SHANK2: variants seen among roughly 807,000 people sequenced by gnomAD.
SHANK2 encodes SH3 and multiple ankyrin repeat domains 2.
A neutral mutation model predicts 133.7 loss-of-function variants in SHANK2; 43 were observed. That is an observed-to-expected ratio of 0.32 (90% CI 0.25 to 0.41). The LOEUF is 0.41. Ranked by LOEUF, SHANK2 falls within the 10% of genes least tolerant of loss-of-function variation. The pLI is 1.00. For missense variants in SHANK2, 1,994 were observed against 2,235.8 expected (o/e 0.89, Z 2.18); for synonymous variants, 1,017 against 952.8 (o/e 1.07, Z -1.24).
intron 14 of SHANK2, among the ~76,000 whole-genome samples, chr11:70,734,171 C>T (rs1449136010): frequency 5.3e-5 from 8 of 152,070 alleles, no homozygotes; most frequent in South Asian, 4.1e-4. Context: ...GAGGGAGTGC[C>T]GGGCAGCAGG....
At chr11:70,913,253 C>T (rs1402629161) in intron 10 of SHANK2, among the ~76,000 whole-genome samples, 3 of 152,174 alleles carry the variant, frequency 2.0e-5, no homozygotes, top group African/African-American at 7.2e-5. Context: ...TCCTTCTTTT[C>T]CTTCATTTGT....
chr11:70,650,645 C>T lies in SHANK2; in HGVS notation c.2061+9183G>A, dbSNP rs146132653. 3.9e-3 allele frequency among the ~76,000 whole-genome samples: 599 copies of T among 152,354 alleles called. 4 individuals carry two copies. Among genetic ancestry groups the T allele is most frequent in the African/African-American group, 0.014 (583 of 41,582 alleles). On this transcript the variant is annotated intron_variant, in intron 17 of 25. Coordinates refer to ENST00000601538, the MANE Select transcript of SHANK2 (RefSeq NM_012309.5). ...CATGCCCAGCTTCATAGCATCTGAT[C>T]ACTCCCCAAATCCACCTTGAACATT...
intron 15 of SHANK2, among the ~76,000 whole-genome samples, chr11:70,663,447 A>C (rs536700120): frequency 1.1e-3 from 174 of 152,278 alleles, no homozygotes; most frequent in African/African-American, 4.0e-3. Flanking sequence ...TGAGGCTCAG[A>C]GAGATCGGAG....
At chr11:70,651,193 T>C (rs200360173) in intron 17 of SHANK2, among the ~76,000 whole-genome samples, 2 of 152,340 alleles carry the variant, frequency 1.3e-5, no homozygotes, top group East Asian at 3.9e-4. Context: ...CCATGGCATC[T>C]GAGCACAGCA....
chr11:70,791,164 G>A (rs1255789444), intron 14 of SHANK2, among the ~76,000 whole-genome samples: 3 of 152,164 alleles, frequency 2.0e-5, no homozygotes, highest in Non-Finnish European at 4.4e-5. Flanking sequence ...TTAGAGTCTT[G>A]ACAAAAGCCA....
chr11:70,666,331 C>T (rs782211751), intron 15 of SHANK2, among the ~76,000 whole-genome samples: 9 of 152,166 alleles, frequency 5.9e-5, no homozygotes, highest in Non-Finnish European at 1.3e-4. Flanking sequence ...AAAGGAGCTG[C>T]AGTCACTGTG....
chr11:71,147,008 G>T (rs1952663637), intron 3 of SHANK2, 112 bp downstream of exon 3: 1 of 887,720 alleles, frequency 1.1e-6, no homozygotes. Context: ...AGCACGGTGT[G>T]CCCAGAGCAG....
intron 14 of SHANK2, among the ~76,000 whole-genome samples, chr11:70,781,873 C>T (rs1555045262): frequency 6.6e-6 from 1 of 151,330 alleles, no homozygotes; most frequent in African/African-American, 2.4e-5. Context: ...AAATGTCCAA[C>T]AATGATAGAC....
intron 10 of SHANK2, chr11:70,950,219 C>T (rs563663197): frequency 2.3e-6 from 1 of 443,658 alleles, no homozygotes; most frequent in Non-Finnish European, 4.5e-6. Flanking sequence ...CTCTATGGCC[C>T]AGGCTGGAGT....
At chr11:70,894,281 G>A (rs4980654) in intron 11 of SHANK2, among the ~76,000 whole-genome samples, 12,439 of 152,088 alleles carry the variant, frequency 0.082, 794 homozygotes, top group Admixed American at 0.2. Flanking sequence ...TCTGCCTCCC[G>A]GGTTCAAGCG....
At chr11:70,560,118 C>G (rs571848861) in intron 17 of SHANK2, among the ~76,000 whole-genome samples, 1 of 152,046 alleles carries the variant, frequency 6.6e-6, no homozygotes, top group Non-Finnish European at 1.5e-5. Flanking sequence ...GTGACCTGCC[C>G]GCCTCAGACT....
intron 15 of SHANK2, among the ~76,000 whole-genome samples, chr11:70,674,628 C>T (rs1289401509): frequency 2.6e-5 from 4 of 152,210 alleles, no homozygotes; most frequent in South Asian, 2.1e-4. Flanking sequence ...GGATTAGAGG[C>T]GTGAGCCACA....
chr11:71,209,014 A>G (rs1555118464), intron 2 of SHANK2, among the ~76,000 whole-genome samples: 1 of 152,164 alleles, frequency 6.6e-6, no homozygotes, highest in Non-Finnish European at 1.5e-5. Context: ...CAGAGAGGAC[A>G]CTCGGCCCCA....
chr11:71,156,816 C>A (rs1555109171), intron 2 of SHANK2, among the ~76,000 whole-genome samples: 1 of 152,158 alleles, frequency 6.6e-6, no homozygotes, highest in East Asian at 1.9e-4. Flanking sequence ...ACATTCTTTT[C>A]CCCTGGGGCT....
chr11:70,496,098 C>T (rs544809620), intron 21 of SHANK2, among the ~76,000 whole-genome samples: 16 of 152,250 alleles, frequency 1.1e-4, no homozygotes, highest in East Asian at 9.7e-4. Context: ...AGATGCAGGA[C>T]GGCCGAGGCC....
chr11:70,790,843 G>A lies in SHANK2; in HGVS notation c.1777+7600C>T, dbSNP rs76225485. Among the ~76,000 whole-genome samples the A allele has an allele frequency of 4.7e-3, 723 of 152,272 alleles. 8 individuals carry two copies. Among genetic ancestry groups the A allele is most frequent in the African/African-American group, 0.017 (687 of 41,548 alleles). On this transcript the variant is annotated intron_variant, in intron 14 of 25. Transcript: ENST00000601538. ...GTTCCCTCCACAGGGTGTCACGGGC[G>A]ATGATGTGTGTCCCTGATGTGCCAG...
At chr11:71,085,601 T>TAA (rs1490040083) in intron 8 of SHANK2, among the ~76,000 whole-genome samples, 8 of 86,920 alleles carry the variant, frequency 9.2e-5, no homozygotes, top group Non-Finnish European at 6.1e-5. Context: ...ATAATATATA[T>TAA]ATTAAATATA....
At chr11:70,516,370 T>C (rs2059266548) in intron 17 of SHANK2, among the ~76,000 whole-genome samples, 1 of 152,234 alleles carries the variant, frequency 6.6e-6, no homozygotes, top group Admixed American at 6.5e-5. Flanking sequence ...GGCAGTTCCA[T>C]GGAGAAAGGA....
rs919109232 is a variant in SHANK2 at position 70,892,674 on chromosome 11, C to T, written c.1174+3827G>A. ...AAAAGTCCTGAATTTAAGATGTCATCGGTGCCCTGCCTGCATCTCCTTGGC... is the reference window on the plus strand; with the variant it reads ...AAAAGTCCTGAATTTAAGATGTCATTGGTGCCCTGCCTGCATCTCCTTGGC... On this transcript the variant is annotated intron_variant, in intron 11 of 25. Transcript: ENST00000601538. Among the ~76,000 whole-genome samples, 15 of 152,312 alleles carry T rather than the reference C, an allele frequency of 9.8e-5. No homozygotes were observed. In the Middle Eastern group the frequency reaches 0.01, roughly 104 times the overall value.
Sources: allele counts gnomAD v4.1 joint callset (sites outside exome capture counted in the v4.1 genomes callset), GRCh38; gene constraint gnomAD v4.1.1; transcripts MANE v1.5; gene names NCBI Gene and HGNC (gene_info 2026-07-23, HGNC 2026-07-21).